The following NWD2 variants were observed in gnomAD, a reference collection of about 807,000 sequenced individuals.
NWD2 encodes NACHT and WD repeat domain containing 2, also known as NACHT and WD repeat domain-containing protein 2.
Under a neutral mutation model 132.7 loss-of-function variants are expected in NWD2, and 37 were observed. The ratio of observed to expected loss-of-function variants is 0.28; its 90% CI spans 0.21 to 0.37. The LOEUF is 0.37. Among genes scored for constraint, NWD2 ranks in the 10% least tolerant of loss-of-function variants. The pLI, the probability that NWD2 is intolerant of heterozygous loss-of-function variation, is 1.00. For synonymous variants in NWD2, 705 were observed against 803.0 expected, an observed-to-expected ratio of 0.88 and a Z score of 2.06; for missense variants, 1,592 against 2,122.4, an observed-to-expected ratio of 0.75 and a Z score of 4.91.
At chr4:37,294,274 A>G (rs1718430074) in intron 1 of NWD2, among the ~76,000 whole-genome samples, 1 of 152,178 alleles carries the variant, frequency 6.6e-6, no homozygotes, top group African/African-American at 2.4e-5. Context: ...TTTTATCTTT[A>G]ATGTGCCACT....
intron 4 of NWD2, among the ~76,000 whole-genome samples, chr4:37,431,683 T>C (rs1481082829): frequency 3.3e-5 from 5 of 152,192 alleles, no homozygotes; most frequent in Admixed American, 3.3e-4. Context: ...TTAGCTTGAT[T>C]GTGGTCACCA....
rs564347158 is a variant in NWD2, at chr4:37,326,971, A to T, written c.240+947A>T. 3.2e-4 allele frequency among the ~76,000 whole-genome samples: 48 copies of T among 152,278 alleles called. 1 individual carries two copies. The East Asian group carries it at 4.4e-3, about 14-fold the overall frequency. ...AATCTCAATGCATAATGTCTTTGCC[A>T]CCAGACCATGATGACACACACATTG... On this transcript the variant is annotated intron_variant, in intron 2 of 6. Transcript: ENST00000309447.
chr4:37,311,715 C>T (rs1031501435), intron 1 of NWD2, among the ~76,000 whole-genome samples: 4 of 148,642 alleles, frequency 2.7e-5, no homozygotes, highest in Admixed American at 6.6e-5. Flanking sequence ...TGCCTATGTC[C>T]GGAATGGTAA....
At chr4:37,245,807 C>T (rs910442502) in intron 1 of NWD2, among the ~76,000 whole-genome samples, 2 of 152,134 alleles carry the variant, frequency 1.3e-5, no homozygotes, top group Non-Finnish European at 2.9e-5. Context: ...GTGGGGCGCG[C>T]AGGATGGGCT....
intron 1 of NWD2, among the ~76,000 whole-genome samples, chr4:37,304,970 C>T (rs1315073284): frequency 1.3e-5 from 2 of 152,170 alleles, no homozygotes; most frequent in Non-Finnish European, 2.9e-5. Flanking sequence ...CCATGAGGGC[C>T]CCACTCCTGC....
chr4:37,332,946 C>T (rs925610198), intron 2 of NWD2, among the ~76,000 whole-genome samples: 1 of 152,152 alleles, frequency 6.6e-6, no homozygotes, highest in Non-Finnish European at 1.5e-5. Context: ...TTGGCAGTAG[C>T]CAGGCAGTAC....
At position 37,416,061 on chromosome 4, in the gene NWD2, G is replaced by T. The variant is rs149088811; in HGVS notation, c.358-14511G>T. On this transcript the variant is annotated intron_variant, in intron 3 of 6. Transcript: ENST00000309447. ...TGGCTGAAAGGCCTCAGCAGGATCT[G>T]CACACACACAGGCAGCATTGAAAGA... Among the ~76,000 whole-genome samples, 415 of 152,318 alleles carry T rather than the reference G, an allele frequency of 2.7e-3. 1 individual carries two copies. Among genetic ancestry groups the T allele is most frequent in the Middle Eastern group, 0.01 (3 of 294 alleles).
At chr4:37,362,912 T>C (rs1720009679) in intron 3 of NWD2, among the ~76,000 whole-genome samples, 1 of 152,204 alleles carries the variant, frequency 6.6e-6, no homozygotes, top group Non-Finnish European at 1.5e-5. Context: ...AAACTATGCA[T>C]CTGACCAATG....
intron 1 of NWD2, among the ~76,000 whole-genome samples, chr4:37,278,864 A>G (rs56030510): frequency 0.16 from 24,643 of 152,114 alleles, 2,558 homozygotes; most frequent in South Asian, 0.32. Flanking sequence ...CTCCTTCCTT[A>G]AAAGAGAAGG....
At chr4:37,295,582 A>G (rs1197426365) in intron 1 of NWD2, among the ~76,000 whole-genome samples, 1 of 152,136 alleles carries the variant, frequency 6.6e-6, no homozygotes, top group Non-Finnish European at 1.5e-5. Flanking sequence ...CATTTGTCTT[A>G]TAGGTTAGGC....
At position 37,443,160 on chromosome 4, in the gene NWD2, TG is replaced by T; in HGVS notation, c.1297-123del. On this transcript the variant is annotated intron_variant, in intron 6 of 6. Transcript: ENST00000309447. The surrounding 1 kb of genome is among the most constrained non-coding windows in gnomAD (Gnocchi z 4.1). Reference sequence around the variant, plus strand: ...CTTCTCAGAGGGTTTTTCCAATTTTTGGTCCTAAGCTATTTCCTGCACAGCA... The same window carrying T: ...CTTCTCAGAGGGTTTTTCCAATTTTTGTCCTAAGCTATTTCCTGCACAGCA... 1.2e-6 allele frequency: 1 copy of T among 806,782 alleles called. No homozygotes were observed. The highest frequency in any genetic ancestry group is 2.1e-5 in the South Asian group (1 of 48,372). 50.0% of individuals were successfully genotyped at this position (806,782 alleles called of 1,614,324 possible). A position where few individuals can be genotyped will look rare whatever the true frequency, so the allele number is the denominator to read the frequency against.
At chr4:37,356,003 T>C (rs1301704072) in intron 2 of NWD2, among the ~76,000 whole-genome samples, 1 of 152,178 alleles carries the variant, frequency 6.6e-6, no homozygotes, top group Non-Finnish European at 1.5e-5. Flanking sequence ...TAACATTATA[T>C]ACATTTGGTG....
chr4:37,372,119 CTTT>C, intron 3 of NWD2, among the ~76,000 whole-genome samples: 1 of 151,904 alleles, frequency 6.6e-6, no homozygotes, highest in African/African-American at 2.4e-5. Context: ...ATTTAAGTAC[CTTT>C]TTATTTGTAT....
At chr4:37,442,822 C>A (rs1712522433) in intron 6 of NWD2, among the ~76,000 whole-genome samples, 1 of 151,930 alleles carries the variant, frequency 6.6e-6, no homozygotes, top group South Asian at 2.1e-4. Context: ...TATATGCTCT[C>A]AATTAATGCA....
At chr4:37,309,572 G>A (rs1718788209) in intron 1 of NWD2, among the ~76,000 whole-genome samples, 1 of 152,208 alleles carries the variant, frequency 6.6e-6, no homozygotes, top group Admixed American at 6.5e-5. Context: ...CCATAATGCA[G>A]TAGTCTGGGT....
At chr4:37,311,619 G>A (rs1193014756) in intron 1 of NWD2, among the ~76,000 whole-genome samples, 1 of 148,496 alleles carries the variant, frequency 6.7e-6, no homozygotes, top group East Asian at 2.0e-4. Context: ...CTTTTGCTGT[G>A]CAGAAGCTCT....
intron 1 of NWD2, among the ~76,000 whole-genome samples, chr4:37,289,312 T>C (rs546052394): frequency 1.3e-5 from 2 of 152,322 alleles, no homozygotes; most frequent in African/African-American, 4.8e-5. Flanking sequence ...AGCACTCCCT[T>C]GGGACAAGTC....
At chr4:37,308,703 C>T (rs1399643947) in intron 1 of NWD2, among the ~76,000 whole-genome samples, 11 of 152,164 alleles carry the variant, frequency 7.2e-5, no homozygotes, top group African/African-American at 2.7e-4. Flanking sequence ...GGTAGGTCAC[C>T]AGTGGCAGCA....
chr4:37,280,803 A>G (rs532216338), intron 1 of NWD2, among the ~76,000 whole-genome samples: 26 of 152,280 alleles, frequency 1.7e-4, no homozygotes, highest in African/African-American at 6.3e-4. Flanking sequence ...AAGAAAGTGC[A>G]TTTACAGAAT....
Sources: gnomAD v4.1 joint callset for allele counts (sites outside exome capture counted in the v4.1 genomes callset) on GRCh38, gnomAD v4.1.1 for gene constraint, Gnocchi (gnomAD v3.1) non-coding constraint, MANE v1.5 for transcripts, NCBI Gene and HGNC (gene_info 2026-07-23, HGNC 2026-07-21) for gene names.